GATAD2B: variants seen among roughly 807,000 people sequenced by gnomAD.
The protein encoded by GATAD2B is transcriptional repressor p66-beta.
GATAD2B carries 8 observed loss-of-function variants against 64.3 expected under a neutral mutation model. The ratio of observed to expected loss-of-function variants is 0.12; its 90% CI spans 0.07 to 0.22. GATAD2B has a LOEUF of 0.22. GATAD2B is among the 10% of genes least tolerant of loss of function. The pLI, the probability that GATAD2B is intolerant of heterozygous loss-of-function variation, is 1.00. For missense variants in GATAD2B, 453 were observed against 752.0 expected (o/e 0.60, Z 4.65); for synonymous variants, 281 against 271.3 (o/e 1.04, Z -0.35).
In GATAD2B at chr1:153,876,948, T is replaced by G. The variant is rs535612616; in HGVS notation, c.-2+45785A>C. Among the ~76,000 whole-genome samples the G allele has an allele frequency of 3.3e-5, 5 of 151,906 alleles. No homozygotes were observed. The South Asian group carries it at 1.0e-3, about 32-fold the overall frequency. On this transcript the variant is annotated intron_variant, in intron 1 of 10. Transcript: ENST00000368655. ...AACCTGGTGAGGGGAGGGCGGCGGG[T>G]GGAGGTTACAGTGAGCCAAGATCGT...
At chr1:153,876,941 C>T (rs1356261139) in intron 1 of GATAD2B, among the ~76,000 whole-genome samples, 2 of 152,144 alleles carry the variant, frequency 1.3e-5, no homozygotes, top group East Asian at 1.9e-4. Context: ...GAGGGGAGGG[C>T]GGCGGGTGGA....
At chr1:153,847,757 C>T (rs1675739345) in intron 1 of GATAD2B, among the ~76,000 whole-genome samples, 1 of 152,132 alleles carries the variant, frequency 6.6e-6, no homozygotes, top group Non-Finnish European at 1.5e-5. Flanking sequence ...ATATCTTGGA[C>T]CATCTCATTC....
intron 1 of GATAD2B, among the ~76,000 whole-genome samples, chr1:153,831,478 A>C (rs933184427): frequency 1.3e-5 from 2 of 152,176 alleles, no homozygotes; most frequent in African/African-American, 2.4e-5. Context: ...GGTTCTGTGC[A>C]TGTATCCCAG....
rs1676332992 is a variant in GATAD2B at position 153,862,376 on chromosome 1, AC to A, written c.-1-34029del. ...GACCTCAGGTGATCCGCCCGCCTCA[AC>A]CTCCCAAAGTGCCAGGATTACAGGC... On this transcript the variant is annotated intron_variant, in intron 1 of 10. Transcript: ENST00000368655. Among the ~76,000 whole-genome samples, 6 of 151,580 alleles carry A rather than the reference AC, an allele frequency of 4.0e-5. 1 individual carries two copies. In the South Asian group the frequency reaches 1.3e-3, roughly 32 times the overall value.
chr1:153,852,138 G>GCT (rs1675918925), intron 1 of GATAD2B: 1 of 687,860 alleles, frequency 1.5e-6, no homozygotes, highest in Non-Finnish European at 2.6e-6. Flanking sequence ...CCTCCTGGCT[G>GCT]CTCTTGTCCA....
intron 1 of GATAD2B, among the ~76,000 whole-genome samples, chr1:153,846,554 G>GTT: frequency 7.6e-6 from 1 of 132,284 alleles, no homozygotes; most frequent in African/African-American, 2.9e-5. Context: ...TGTTCTTTGC[G>GTT]TTCTTTTTTT....
At chr1:153,863,968 C>G (rs1263414703) in intron 1 of GATAD2B, among the ~76,000 whole-genome samples, 2 of 152,106 alleles carry the variant, frequency 1.3e-5, no homozygotes, top group African/African-American at 4.8e-5. Context: ...CGGATGTAGG[C>G]TTTCCTTAGG....
intron 2 of GATAD2B, among the ~76,000 whole-genome samples, chr1:153,822,563 A>AG (rs761565329): frequency 5.9e-5 from 9 of 152,160 alleles, no homozygotes; most frequent in Non-Finnish European, 1.0e-4. Flanking sequence ...CCGGGGCTGG[A>AG]GGGCAATGGT....
intron 1 of GATAD2B, among the ~76,000 whole-genome samples, chr1:153,879,328 G>C (rs565075773): frequency 6.6e-6 from 1 of 152,178 alleles, no homozygotes; most frequent in African/African-American, 2.4e-5. Flanking sequence ...ACCCACCTCG[G>C]CCTCCCAAAG....
chr1:153,853,933 C>T (rs1473105493), intron 1 of GATAD2B, among the ~76,000 whole-genome samples: 1 of 152,148 alleles, frequency 6.6e-6, no homozygotes, highest in Non-Finnish European at 1.5e-5. Flanking sequence ...CCATCTACCC[C>T]CAGCCAGAGC....
intron 7 of GATAD2B, among the ~76,000 whole-genome samples, chr1:153,815,266 C>G (rs1202900986): frequency 8.8e-6 from 1 of 113,716 alleles, no homozygotes; most frequent in Non-Finnish European, 1.8e-5. Context: ...GGGTCAGACC[C>G]TGTCTCAAAA....
At chr1:153,847,779 T>C (rs565676687) in intron 1 of GATAD2B, among the ~76,000 whole-genome samples, 1 of 152,286 alleles carries the variant, frequency 6.6e-6, no homozygotes, top group South Asian at 2.1e-4. Flanking sequence ...ACTGTCCATG[T>C]CTCATCTCTT....
Position 153,810,316 on chromosome 1 carries a change from C to T in GATAD2B, c.1649-6G>A. ...CAAGTATGCAATGTTGACACCTGGACCCAGGAGACAAAAGTGGAGGGCAGG... is the reference window on the plus strand; with the variant it reads ...CAAGTATGCAATGTTGACACCTGGATCCAGGAGACAAAAGTGGAGGGCAGG... On this transcript the variant is annotated splice_region_variant and splice_polypyrimidine_tract_variant and intron_variant, in intron 10 of 10. Transcript: ENST00000368655. 1 of 1,611,432 alleles carries T rather than the reference C, an allele frequency of 6.2e-7. No individual in the cohort carries two copies. Among genetic ancestry groups the T allele is most frequent in the South Asian group, 1.1e-5 (1 of 90,540 alleles).
At chr1:153,869,082 C>G (rs1005285216) in intron 1 of GATAD2B, among the ~76,000 whole-genome samples, 3 of 152,112 alleles carry the variant, frequency 2.0e-5, no homozygotes, top group African/African-American at 7.2e-5. Flanking sequence ...CACCTGAGGT[C>G]AAGAGTTCAA....
chr1:153,906,706 G>A (rs751659116), intron 1 of GATAD2B, among the ~76,000 whole-genome samples: 3 of 152,124 alleles, frequency 2.0e-5, no homozygotes, highest in African/African-American at 7.2e-5. Context: ...ACACTACAGA[G>A]TGAAAGGGCA....
chr1:153,917,233 G>A (rs907734913), intron 1 of GATAD2B, among the ~76,000 whole-genome samples: 12 of 148,692 alleles, frequency 8.1e-5, no homozygotes, highest in Middle Eastern at 3.5e-3. Flanking sequence ...GAGTAGCTGG[G>A]ATTACAGGCA....
In GATAD2B at chr1:153,813,373, C is replaced by T. The variant is rs1674356399; in HGVS notation, c.1296G>A (p.Lys432=). Reference sequence around the variant, plus strand: ...ATAGAATCTTACCATTCTTTTCTTGCTTCCAGTGAGGGGTGAAATCTGTGC... The same window carrying T: ...ATAGAATCTTACCATTCTTTTCTTGTTTCCAGTGAGGGGTGAAATCTGTGC... The part of the protein sequence containing the change: ...QCRTDFTPHW[K]QEKNGKILCE... Residue 432 remains lysine (K), a synonymous_variant, in exon 8 of 11, where the codon AAG becomes AAA. Coordinates refer to ENST00000368655, the MANE Select transcript of GATAD2B (RefSeq NM_020699.4). 2 of 1,613,914 alleles carry T rather than the reference C, an allele frequency of 1.2e-6. No homozygotes were observed. Among genetic ancestry groups the T allele is most frequent in the Non-Finnish European group, 1.7e-6 (2 of 1,179,922 alleles).
At chr1:153,851,458 T>A (rs1675894693) in intron 1 of GATAD2B, among the ~76,000 whole-genome samples, 3 of 152,146 alleles carry the variant, frequency 2.0e-5, no homozygotes, top group Admixed American at 6.6e-5. Context: ...TTAAAAAAAA[T>A]AGCCATCTTG....
chr1:153,841,245 G>C (rs549019101), intron 1 of GATAD2B, among the ~76,000 whole-genome samples: 1 of 151,792 alleles, frequency 6.6e-6, no homozygotes, highest in African/African-American at 2.4e-5. Context: ...CATATCACCA[G>C]CAGGATATCA....
Sources: gnomAD v4.1 joint callset for allele counts (sites outside exome capture counted in the v4.1 genomes callset) on GRCh38, gnomAD v4.1.1 for gene constraint, MANE v1.5 for transcripts, NCBI Gene and HGNC (gene_info 2026-07-23, HGNC 2026-07-21) for gene names.